The following PDE4A variants were observed in gnomAD, a reference collection of about 807,000 sequenced individuals.
PDE4A encodes phosphodiesterase 4A, also known as 3',5'-cyclic-AMP phosphodiesterase 4A.
PDE4A carries 21 observed loss-of-function variants against 73.9 expected under a neutral mutation model. The ratio of observed to expected loss-of-function variants is 0.28; its 90% CI spans 0.20 to 0.41. The LOEUF (loss-of-function observed/expected upper bound fraction) is 0.41. Ranked by LOEUF, PDE4A falls within the 10% of genes least tolerant of loss-of-function variation. PDE4A has a pLI of 1.00. For missense variants in PDE4A, 958 were observed against 1,211.4 expected, an observed-to-expected ratio of 0.79 and a Z score of 3.10; for synonymous variants, 463 against 505.4, an observed-to-expected ratio of 0.92 and a Z score of 1.13.
At chr19:10,461,240 G>A in intron 11 of PDE4A, 137 bp downstream of exon 11, 2 of 1,172,194 alleles carry the variant, frequency 1.7e-6, no homozygotes, top group South Asian at 1.6e-5. Flanking sequence ...GGGGATGGCC[G>A]GGCAGGAGGC....
rs2043408949 is a variant in PDE4A at position 10,467,928 on chromosome 19, C to T, written c.*307C>T. 1 of 222,872 alleles carries T rather than the reference C, an allele frequency of 4.5e-6. No individual in the cohort carries two copies. The highest frequency in any genetic ancestry group is 8.7e-6 in the Non-Finnish European group (1 of 114,910). The allele number at this position is 222,872 out of a possible 1,614,324, so 13.8% of individuals were successfully genotyped here. A position where few individuals can be genotyped will look rare whatever the true frequency, so the allele number is the denominator to read the frequency against. Reference sequence around the variant, plus strand: ...AAAAAAGAAAAAAAAAAGAAAGAAACACAGCAACTGTAGATGCTCCTGTTC... The same window carrying T: ...AAAAAAGAAAAAAAAAAGAAAGAAATACAGCAACTGTAGATGCTCCTGTTC... On this transcript the variant is annotated 3_prime_UTR_variant, in exon 15 of 15. Transcript: ENST00000380702.
rs923728199 is a variant in PDE4A, at chr19:10,453,721, C to G, written c.784-1108C>G. 6.6e-6 allele frequency among the ~76,000 whole-genome samples: 1 copy of G among 151,960 alleles called. No homozygotes were observed. The highest frequency in any genetic ancestry group is 1.5e-5 in the Non-Finnish European group (1 of 67,986). On this transcript the variant is annotated intron_variant, in intron 6 of 14. Transcript: ENST00000380702. The surrounding 1 kb of genome is among the most constrained non-coding windows in gnomAD (Gnocchi z 4.6). ...GCCTGATATTTTGGGGACATGTGAC[C>G]CCAAATGTCAGTGACCGCCTTATTT... is the stretch of plus-strand genomic sequence containing the variant.
intron 1 of PDE4A, among the ~76,000 whole-genome samples, chr19:10,426,968 C>T (rs1267383219): frequency 6.6e-6 from 1 of 151,810 alleles, no homozygotes; most frequent in African/African-American, 2.4e-5. Flanking sequence ...GGGAAGGCCT[C>T]TCTGAGGAGG....
chr19:10,447,964 A>G (rs1458452128), intron 2 of PDE4A, among the ~76,000 whole-genome samples: 1 of 151,888 alleles, frequency 6.6e-6, no homozygotes, highest in East Asian at 1.9e-4. Context: ...CTTGCAACAT[A>G]TTCACCTCGG....
rs2043434082 is a variant in PDE4A, at chr19:10,469,127, G to A, written c.*1506G>A. ...GCGAAAGTCGTTTTTGTCCCAGCCG[G>A]CGATCGGAGTGGGCCTTTTCTTTCT... On this transcript the variant is annotated 3_prime_UTR_variant, in exon 15 of 15. Transcript: ENST00000380702. The A allele has an allele frequency of 6.6e-6, 1 of 152,562 alleles. No individual in the cohort carries two copies. The highest frequency in any genetic ancestry group is 1.5e-5 in the Non-Finnish European group (1 of 68,078). 9.5% of individuals were successfully genotyped at this position (152,562 alleles called of 1,614,324 possible). A position where few individuals can be genotyped will look rare whatever the true frequency, so the allele number is the denominator to read the frequency against.
At chr19:10,439,274 C>G (rs543816514) in intron 1 of PDE4A, among the ~76,000 whole-genome samples, 464 of 151,076 alleles carry the variant, frequency 3.1e-3, no homozygotes, top group African/African-American at 0.011. Context: ...CTCCGTCTCC[C>G]GGGTTCAAGC....
In PDE4A at chr19:10,449,230, C is replaced by T. The variant is rs1184655116; in HGVS notation, c.620+80C>T. The T allele has an allele frequency of 7.4e-6, 11 of 1,480,464 alleles. No individual in the cohort carries two copies. The Admixed American group carries it at 1.7e-4, about 23-fold the overall frequency. 91.7% of individuals were successfully genotyped at this position (1,480,464 alleles called of 1,614,324 possible). A position where few individuals can be genotyped will look rare whatever the true frequency, so the allele number is the denominator to read the frequency against. On this transcript the variant is annotated intron_variant, in intron 4 of 14. Transcript: ENST00000380702. ...TTCTGCTCTCAGCCCTGCTGTGTGA[C>T]CTCTGGCAGGCAGGTGACCTCTCTG...
At chr19:10,460,910 C>A in intron 10 of PDE4A, 94 bp from the exon 11 acceptor site, 2 of 1,363,746 alleles carry the variant, frequency 1.5e-6, no homozygotes, top group Non-Finnish European at 9.9e-7. Context: ...GTGATCCTCC[C>A]ATCTCAGCCT....
intron 14 of PDE4A, chr19:10,464,511 G>T: frequency 2.2e-6 from 1 of 448,216 alleles, no homozygotes; most frequent in South Asian, 1.6e-5. Context: ...TGAATTCCTG[G>T]GCTCAAGCGA....
chr19:10,454,063 G>T (rs2043134823), intron 6 of PDE4A, among the ~76,000 whole-genome samples: 2 of 152,140 alleles, frequency 1.3e-5, no homozygotes, highest in African/African-American at 4.8e-5. Context: ...TCACAGCAGA[G>T]GCCTGTGCAG....
chr19:10,456,318 G>T (rs968699701), intron 7 of PDE4A, among the ~76,000 whole-genome samples: 2 of 152,070 alleles, frequency 1.3e-5, no homozygotes, highest in Admixed American at 1.3e-4. Flanking sequence ...ATGAGGTCAG[G>T]AGTTCAAGAC....
intron 1 of PDE4A, 105 bp from the exon 2 acceptor site, chr19:10,446,113 A>T: frequency 6.8e-7 from 1 of 1,461,830 alleles, no homozygotes; most frequent in South Asian, 1.4e-5. Flanking sequence ...TGCTGGGATT[A>T]CAGGCATTAC....
At chr19:10,442,962 A>G (rs2042958159) in intron 1 of PDE4A, among the ~76,000 whole-genome samples, 1 of 151,820 alleles carries the variant, frequency 6.6e-6, no homozygotes, top group Non-Finnish European at 1.5e-5. Flanking sequence ...TGTATGTAAT[A>G]TTAGTAATAT....
chr19:10,420,334 C>T, upstream of PDE4A: 1 of 960,840 alleles, frequency 1.0e-6, no homozygotes, highest in Non-Finnish European at 1.2e-6. This position sits in a 1 kb window ranked among gnomAD's most constrained non-coding sequence, Gnocchi z 6.0. Context: ...CGAGTTCCAG[C>T]GCCCCCTCCC....
At chr19:10,429,248 G>A (rs2042756523) in intron 1 of PDE4A, among the ~76,000 whole-genome samples, 1 of 147,276 alleles carries the variant, frequency 6.8e-6, no homozygotes, top group Non-Finnish European at 1.5e-5. Context: ...GGACGGAGGG[G>A]AAAGGAAAGG....
intron 1 of PDE4A, among the ~76,000 whole-genome samples, chr19:10,434,052 A>C (rs2042831291): frequency 6.6e-6 from 1 of 152,160 alleles, no homozygotes; most frequent in Non-Finnish European, 1.5e-5. Flanking sequence ...GCAACATAGT[A>C]AAACCTCATC....
At chr19:10,418,159 T>A (rs2042606292), upstream of PDE4A, among the ~76,000 whole-genome samples, 1 of 152,192 alleles carries the variant, frequency 6.6e-6, no homozygotes. Flanking sequence ...TGGGGCAGGT[T>A]GATCAGGCGG....
Position 10,453,342 on chromosome 19 carries a change from A to C in PDE4A, c.784-1487A>C. 7.3e-7 allele frequency: 1 copy of C among 1,366,596 alleles called. No homozygotes were observed. Among genetic ancestry groups the C allele is most frequent in the Non-Finnish European group, 1.0e-6 (1 of 957,022 alleles). The allele number at this position is 1,366,596 out of a possible 1,614,324, so 84.7% of individuals were successfully genotyped here. A position where few individuals can be genotyped will look rare whatever the true frequency, so the allele number is the denominator to read the frequency against. ...CTGGTGGGACCAGGTAGGAGAGTGC[A>C]GGGTAGGGGGTGGGCGGGCATCCTG... On this transcript the variant is annotated intron_variant, in intron 6 of 14. Coordinates refer to ENST00000380702, the MANE Select transcript of PDE4A (RefSeq NM_001111307.2). This position sits in a 1 kb window ranked among gnomAD's most constrained non-coding sequence, Gnocchi z 4.6.
intron 1 of PDE4A, among the ~76,000 whole-genome samples, chr19:10,443,366 G>A (rs1471165782): frequency 2.0e-5 from 3 of 151,514 alleles, no homozygotes; most frequent in East Asian, 1.9e-4. Flanking sequence ...ACAACATGGC[G>A]AGACCCCATC....
Sources: gnomAD v4.1 joint callset for allele counts (sites outside exome capture counted in the v4.1 genomes callset) on GRCh38, gnomAD v4.1.1 for gene constraint, Gnocchi (gnomAD v3.1) non-coding constraint, MANE v1.5 for transcripts, NCBI Gene and HGNC (gene_info 2026-07-23, HGNC 2026-07-21) for gene names.